KCNQ3: variants seen among roughly 807,000 people sequenced by gnomAD.
KCNQ3 encodes the protein potassium voltage-gated channel subfamily Q member 3.
KCNQ3 carries 30 observed loss-of-function variants against 92.5 expected under a neutral mutation model. That is an observed-to-expected ratio of 0.32 (90% CI 0.24 to 0.44). The LOEUF is 0.44. Among genes scored for constraint, KCNQ3 ranks in the 20% least tolerant of loss-of-function variants. KCNQ3 has a pLI of 1.00. For synonymous variants in KCNQ3, 450 were observed against 468.8 expected (o/e 0.96, Z 0.52); for missense variants, 913 against 1,140.3 (o/e 0.80, Z 2.87).
intron 9 of KCNQ3, among the ~76,000 whole-genome samples, chr8:132,150,714 T>C: frequency 6.6e-6 from 1 of 152,124 alleles, no homozygotes; most frequent in East Asian, 1.9e-4. Flanking sequence ...CTCTGTTTTC[T>C]TCATGGAACC....
At chr8:132,241,391 GTTA>G (rs1246276815) in intron 1 of KCNQ3, among the ~76,000 whole-genome samples, 6 of 151,818 alleles carry the variant, frequency 4.0e-5, no homozygotes, top group Non-Finnish European at 7.4e-5. Context: ...TTTTGCTATA[GTTA>G]TTATTATTTT....
intron 1 of KCNQ3, among the ~76,000 whole-genome samples, chr8:132,200,698 C>A (rs1827432222): frequency 6.6e-6 from 1 of 152,108 alleles, no homozygotes; most frequent in Admixed American, 6.5e-5. Context: ...TTAGGGCCTG[C>A]AGTTTAAGCT....
At chr8:132,213,093 G>C (rs1813913187) in intron 1 of KCNQ3, among the ~76,000 whole-genome samples, 1 of 152,104 alleles carries the variant, frequency 6.6e-6, no homozygotes, top group South Asian at 2.1e-4. Flanking sequence ...TGAAACCATG[G>C]ATCATTTATC....
chr8:132,236,233 T>G (rs897899544), intron 1 of KCNQ3, among the ~76,000 whole-genome samples: 1 of 152,236 alleles, frequency 6.6e-6, no homozygotes, highest in African/African-American at 2.4e-5. Flanking sequence ...CAAACCTTTT[T>G]CATTTGGAAA....
chr8:132,451,310 T>C (rs879918032), intron 1 of KCNQ3, among the ~76,000 whole-genome samples: 1 of 152,228 alleles, frequency 6.6e-6, no homozygotes, highest in Non-Finnish European at 1.5e-5. Flanking sequence ...ATTAAACCTT[T>C]TTCCTTTATA....
At chr8:132,372,253 C>T (rs913444730) in intron 1 of KCNQ3, among the ~76,000 whole-genome samples, 1 of 152,152 alleles carries the variant, frequency 6.6e-6, no homozygotes, top group African/African-American at 2.4e-5. Context: ...CTGGTCAGCT[C>T]CATAGGGCTT....
chr8:132,168,854 A>G (rs1378807202), intron 8 of KCNQ3, among the ~76,000 whole-genome samples: 1 of 150,320 alleles, frequency 6.7e-6, no homozygotes, highest in Non-Finnish European at 1.5e-5. Flanking sequence ...GGGTCCACTG[A>G]ACCTGTAGAC....
intron 1 of KCNQ3, among the ~76,000 whole-genome samples, chr8:132,422,504 G>A (rs1052408099): frequency 6.6e-6 from 1 of 152,118 alleles, no homozygotes. Context: ...TCTCCCAACT[G>A]TGCATCACAT....
intron 1 of KCNQ3, among the ~76,000 whole-genome samples, chr8:132,264,811 G>C (rs151277717): frequency 2.6e-5 from 4 of 152,306 alleles, no homozygotes; most frequent in African/African-American, 9.6e-5. Context: ...CAGGGTTTTT[G>C]TGAGGGTTAA....
chr8:132,310,791 A>T (rs1817571993), intron 1 of KCNQ3, among the ~76,000 whole-genome samples: 1 of 152,206 alleles, frequency 6.6e-6, no homozygotes, highest in South Asian at 2.1e-4. Flanking sequence ...AATTTGCCAA[A>T]CTATATCCGA....
intron 1 of KCNQ3, among the ~76,000 whole-genome samples, chr8:132,237,179 A>G (rs1215232699): frequency 6.6e-6 from 1 of 152,170 alleles, no homozygotes; most frequent in Non-Finnish European, 1.5e-5. Flanking sequence ...TGCAATGGAA[A>G]ACTAATTCAA....
At chr8:132,405,812 CA>C (rs752312645) in intron 1 of KCNQ3, among the ~76,000 whole-genome samples, 3 of 152,138 alleles carry the variant, frequency 2.0e-5, no homozygotes, top group Non-Finnish European at 2.9e-5. Flanking sequence ...AGGAATGTGA[CA>C]TTGCAACAAA....
chr8:132,254,276 TCGA>T (rs761588166), intron 1 of KCNQ3, among the ~76,000 whole-genome samples: 6 of 152,198 alleles, frequency 3.9e-5, no homozygotes, highest in Non-Finnish European at 7.3e-5. Flanking sequence ...ATAGATGTGC[TCGA>T]CTTTACACAA....
At chr8:132,370,774 G>T (rs1819453433) in intron 1 of KCNQ3, among the ~76,000 whole-genome samples, 1 of 152,168 alleles carries the variant, frequency 6.6e-6, no homozygotes, top group South Asian at 2.1e-4. Flanking sequence ...ACAATAATTG[G>T]TTAATAACAA....
intron 1 of KCNQ3, among the ~76,000 whole-genome samples, chr8:132,479,895 G>A (rs1191970636): frequency 1.3e-5 from 2 of 149,892 alleles, no homozygotes; most frequent in Admixed American, 6.7e-5. Context: ...CAAATCAGCA[G>A]GGGAACCACG....
At chr8:132,423,709 C>A (rs1202939316) in intron 1 of KCNQ3, among the ~76,000 whole-genome samples, 1 of 152,178 alleles carries the variant, frequency 6.6e-6, no homozygotes, top group East Asian at 1.9e-4. Context: ...GCCGAGGTCA[C>A]ACAGCTGTAA....
chr8:132,135,164 A>G (rs1586757129), intron 12 of KCNQ3, among the ~76,000 whole-genome samples: 4 of 152,316 alleles, frequency 2.6e-5, no homozygotes, highest in African/African-American at 9.6e-5. Flanking sequence ...AAGTGAGAAC[A>G]CGCTGTATAT....
intron 1 of KCNQ3, among the ~76,000 whole-genome samples, chr8:132,409,800 G>A (rs1820599922): frequency 6.6e-6 from 1 of 152,186 alleles, no homozygotes; most frequent in African/African-American, 2.4e-5. Context: ...GGGACAGTTG[G>A]ATATGCAGCC....
At chr8:132,461,425 C>T (rs567997759) in intron 1 of KCNQ3, among the ~76,000 whole-genome samples, 226 of 152,148 alleles carry the variant, frequency 1.5e-3, no homozygotes, top group Non-Finnish European at 2.5e-3. Context: ...ACTAGCCGGG[C>T]GTGGTGGTGG....
Sources: gnomAD v4.1 joint callset for allele counts (sites outside exome capture counted in the v4.1 genomes callset) on GRCh38, gnomAD v4.1.1 for gene constraint, MANE v1.5 for transcripts, NCBI Gene and HGNC (gene_info 2026-07-23, HGNC 2026-07-21) for gene names.